The following PDGFRA variants were observed in gnomAD, a reference collection of about 807,000 sequenced individuals.
PDGFRA encodes the protein platelet derived growth factor receptor alpha.
Under a neutral mutation model 121.5 loss-of-function variants are expected in PDGFRA, and 25 were observed. The ratio of observed to expected loss-of-function variants is 0.21; its 90% CI spans 0.15 to 0.29. PDGFRA has a LOEUF of 0.29. PDGFRA is among the 10% of genes least tolerant of loss of function. The pLI is 1.00. For synonymous variants in PDGFRA, 463 were observed against 494.8 expected (o/e 0.94, Z 0.85); for missense variants, 1,008 against 1,345.1 (o/e 0.75, Z 3.92).
At position 54,295,181 on chromosome 4, in the gene PDGFRA, T is replaced by A. The variant is rs774522904; in HGVS notation, c.3179T>A (p.Ile1060Asn). The A allele has an allele frequency of 5.9e-5, 95 of 1,613,826 alleles. No homozygotes were observed. Among genetic ancestry groups the A allele is most frequent in the Non-Finnish European group, 7.7e-5 (91 of 1,179,896 alleles). ...ACGGGTTCCAGCAGTTCCACCTTCA[T>A]CAAGAGAGAGGACGAGACCATTGAA... is the stretch of plus-strand genomic sequence containing the variant. The part of the protein sequence containing the change: ...IETGSSSSTF[I>N]KREDETIEDI... The change falls in exon 23 of 23, where the codon ATC becomes AAC. Residue 1060 changes from isoleucine to asparagine, a missense_variant. Ile to Asn is a moderately radical substitution (Grantham distance 149). Coordinates refer to ENST00000257290, the MANE Select transcript of PDGFRA (RefSeq NM_006206.6).
At chr4:54,251,851 C>T (rs549037092) in intron 1 of PDGFRA, among the ~76,000 whole-genome samples, 7 of 152,272 alleles carry the variant, frequency 4.6e-5, no homozygotes, top group African/African-American at 9.6e-5. Flanking sequence ...AAATTTCCAT[C>T]GAAACCAATT....
chr4:54,232,605 A>T (rs1474820474), intron 1 of PDGFRA, among the ~76,000 whole-genome samples: 2 of 152,118 alleles, frequency 1.3e-5, no homozygotes, highest in African/African-American at 4.8e-5. Flanking sequence ...TGTGTGTGTG[A>T]CAAGAGTCTC....
At position 54,230,170 on chromosome 4, in the gene PDGFRA, G is replaced by A. The variant is rs549747637; in HGVS notation, c.-13+755G>A. Among the ~76,000 whole-genome samples the A allele has an allele frequency of 9.3e-4, 141 of 152,200 alleles. 1 individual carries two copies. The highest frequency in any genetic ancestry group is 3.0e-3 in the African/African-American group (125 of 41,540). The stretch of plus-strand genomic sequence containing the variant: ...GGGACAAGCAGAGGCGCGCGGGCGT[G>A]GGCAAGGGTTTGGGGCGCTCTGGAG... On this transcript the variant is annotated intron_variant, in intron 1 of 22. Coordinates refer to ENST00000257290, the MANE Select transcript of PDGFRA (RefSeq NM_006206.6).
At chr4:54,260,836 A>G (rs1722659002) in intron 2 of PDGFRA, among the ~76,000 whole-genome samples, 2 of 152,200 alleles carry the variant, frequency 1.3e-5, no homozygotes, top group Non-Finnish European at 2.9e-5. Flanking sequence ...ATGGAATTGG[A>G]ATCAGACATC....
rs1333247214 is a variant in PDGFRA at position 54,261,280 on chromosome 4, G to A, written c.235G>A (p.Gly79Ser). The part of the protein sequence containing the change: ...VEIRNEENNS[G>S]LFVTVLEVSS... ...AATCAGAAATGAAGAAAACAACAGC[G>A]GCCTTTTTGTGACGGTCTTGGAAGT... Residue 79 changes from glycine (G) to serine (S), a missense_variant, in exon 3 of 23, where the codon GGC (glycine) becomes AGC (serine). Physicochemically the swap from Gly to Ser is moderately conservative, Grantham distance 56. Coordinates refer to ENST00000257290, the MANE Select transcript of PDGFRA (RefSeq NM_006206.6). 3 of 1,613,982 alleles carry A rather than the reference G, an allele frequency of 1.9e-6. No individual in the cohort carries two copies. Among genetic ancestry groups the A allele is most frequent in the East Asian group, 2.2e-5 (1 of 44,890 alleles).
intron 1 of PDGFRA, among the ~76,000 whole-genome samples, chr4:54,250,975 G>A (rs1310023983): frequency 6.7e-6 from 1 of 148,564 alleles, no homozygotes; most frequent in Non-Finnish European, 1.5e-5. Context: ...TGAGGCAGGA[G>A]AATCACTTGA....
At position 54,272,387 on chromosome 4, in the gene PDGFRA, C is replaced by T. The variant is rs750731789; in HGVS notation, c.1238-7C>T. ...ATTCCATTCTGACTTCTTTCTGCCTCTTGCAGTTCCTTCATCCATTCTGGA... is the reference window on the plus strand; with the variant it reads ...ATTCCATTCTGACTTCTTTCTGCCTTTTGCAGTTCCTTCATCCATTCTGGA... On this transcript the variant is annotated splice_region_variant and splice_polypyrimidine_tract_variant and intron_variant, in intron 8 of 22. Transcript: ENST00000257290. The T allele has an allele frequency of 6.8e-6, 11 of 1,613,984 alleles. No individual in the cohort carries two copies. Among genetic ancestry groups the T allele is most frequent in the Non-Finnish European group, 9.3e-6 (11 of 1,179,960 alleles).
Position 54,295,409 on chromosome 4 carries a change from G to A in PDGFRA, c.*137G>A. Reference sequence around the variant, plus strand: ...GAGAAGTTCCCAGCCAAGGGCCTCGGGGAGCGTTCTAAATATGAATGAATG... The same window carrying A: ...GAGAAGTTCCCAGCCAAGGGCCTCGAGGAGCGTTCTAAATATGAATGAATG... On this transcript the variant is annotated 3_prime_UTR_variant, in exon 23 of 23. Transcript: ENST00000257290. The A allele has an allele frequency of 1.2e-6, 1 of 801,404 alleles. No homozygotes were observed. The highest frequency in any genetic ancestry group is 2.1e-6 in the Non-Finnish European group (1 of 479,686). The allele number at this position is 801,404 out of a possible 1,614,324, so 49.6% of individuals were successfully genotyped here. A position where few individuals can be genotyped will look rare whatever the true frequency, so the allele number is the denominator to read the frequency against.
At chr4:54,244,863 A>C (rs1171780246) in intron 1 of PDGFRA, among the ~76,000 whole-genome samples, 1 of 152,226 alleles carries the variant, frequency 6.6e-6, no homozygotes, top group Non-Finnish European at 1.5e-5. Context: ...CAATACAGAG[A>C]AGTGCTTAAA....
intron 7 of PDGFRA, among the ~76,000 whole-genome samples, chr4:54,269,504 T>TACACAC (rs141245838): frequency 9.1e-5 from 13 of 142,384 alleles, no homozygotes; most frequent in Middle Eastern, 3.6e-3. Context: ...TGCACATACA[T>TACACAC]ACACACACAC....
At chr4:54,243,401 G>A (rs539009249) in intron 1 of PDGFRA, among the ~76,000 whole-genome samples, 5 of 152,226 alleles carry the variant, frequency 3.3e-5, no homozygotes, top group East Asian at 3.9e-4. Flanking sequence ...TTTGGTAAAA[G>A]ATTATAGGAA....
chr4:54,286,616 C>T (rs1724377066), intron 18 of PDGFRA, among the ~76,000 whole-genome samples: 1 of 152,142 alleles, frequency 6.6e-6, no homozygotes, highest in Non-Finnish European at 1.5e-5. Context: ...CTCAGCCTCC[C>T]AAAGTGCTGG....
At chr4:54,267,023 A>T (rs913137165) in intron 5 of PDGFRA, among the ~76,000 whole-genome samples, 40 of 152,188 alleles carry the variant, frequency 2.6e-4, no homozygotes, top group African/African-American at 9.2e-4. Context: ...ATGATTTTCT[A>T]AGCAGCTAGC....
intron 22 of PDGFRA, 98 bp downstream of exon 22, chr4:54,290,652 G>A (rs1724584363): frequency 7.4e-7 from 1 of 1,358,804 alleles, no homozygotes; most frequent in Non-Finnish European, 1.1e-6. Context: ...CTCCCGGTTG[G>A]TAAATATGTA....
rs1010761662 is a variant in PDGFRA, at chr4:54,271,306, C to T, written c.1237+558C>T. ...CATGAGCCAGGTGCTGTCTGAGGTG[C>T]GCTCATGTGATCCTCACAGTAAAAC... On this transcript the variant is annotated intron_variant, in intron 8 of 22. Coordinates refer to ENST00000257290, the MANE Select transcript of PDGFRA (RefSeq NM_006206.6). Among the ~76,000 whole-genome samples, 7 of 152,172 alleles carry T rather than the reference C, an allele frequency of 4.6e-5. No individual in the cohort carries two copies. The East Asian group carries it at 7.7e-4, about 17-fold the overall frequency.
chr4:54,242,838 C>T (rs909232744), intron 1 of PDGFRA, among the ~76,000 whole-genome samples: 1 of 152,152 alleles, frequency 6.6e-6, no homozygotes, highest in Non-Finnish European at 1.5e-5. Context: ...CCTCATGGAA[C>T]CCCAAGAGCT....
intron 18 of PDGFRA, among the ~76,000 whole-genome samples, chr4:54,286,219 C>T (rs562979951): frequency 2.0e-5 from 3 of 151,996 alleles, no homozygotes; most frequent in Non-Finnish European, 4.4e-5. Context: ...GATAATAGTA[C>T]CTATTTGCTG....
chr4:54,267,702 C>G lies in PDGFRA; in HGVS notation c.1082C>G (p.Thr361Ser). The change falls in exon 7 of 23, where the codon ACT becomes AGT. Residue 361 changes from threonine (T) to serine (S), a missense_variant. By Grantham distance (58) the Thr-to-Ser change is moderately conservative. Transcript: ENST00000257290. ...AATCTGACTCTGATTGAAAATCTCA[C>G]TGAGATCACCACTGATGTGGAAAAG... ...KNNLTLIENLTEITTDVEKIQ... is the reference protein window; with the variant it reads ...KNNLTLIENLSEITTDVEKIQ... 6.2e-7 allele frequency: 1 copy of G among 1,614,060 alleles called. No homozygotes were observed.
intron 16 of PDGFRA, among the ~76,000 whole-genome samples, chr4:54,283,077 T>C (rs948895769): frequency 3.3e-5 from 5 of 152,194 alleles, no homozygotes; most frequent in Non-Finnish European, 7.3e-5. Context: ...CTGTGGTTTT[T>C]CCTGGTGCAG....
Sources: gnomAD v4.1 joint callset for allele counts (sites outside exome capture counted in the v4.1 genomes callset) on GRCh38, gnomAD v4.1.1 for gene constraint, MANE v1.5 for transcripts, NCBI Gene and HGNC (gene_info 2026-07-23, HGNC 2026-07-21) for gene names.